The following DTNA variants were observed in gnomAD, a reference collection of about 807,000 sequenced individuals.
The protein encoded by DTNA is dystrobrevin alpha.
DTNA carries 43 observed loss-of-function variants against 100.7 expected under a neutral mutation model. The ratio of observed to expected loss-of-function variants is 0.43; its 90% CI spans 0.33 to 0.55. The LOEUF is 0.55. Among genes scored for constraint, DTNA ranks in the 20% least tolerant of loss-of-function variants. DTNA has a pLI of 0.04. For synonymous variants in DTNA, 349 were observed against 347.9 expected, an observed-to-expected ratio of 1.00 and a Z score of -0.04; for missense variants, 798 against 953.9, an observed-to-expected ratio of 0.84 and a Z score of 2.15.
chr18:34,644,434 A>G (rs2059618960), intron 1 of DTNA, among the ~76,000 whole-genome samples: 1 of 152,158 alleles, frequency 6.6e-6, no homozygotes, highest in Admixed American at 6.5e-5. Flanking sequence ...TTCCAGTTTA[A>G]ACACACTCAT....
At chr18:34,653,736 C>T (rs1465354361) in intron 1 of DTNA, among the ~76,000 whole-genome samples, 9 of 152,068 alleles carry the variant, frequency 5.9e-5, no homozygotes, top group Admixed American at 1.3e-4. Context: ...GCATGAGAAT[C>T]GCTTGAACCC....
intron 1 of DTNA, among the ~76,000 whole-genome samples, chr18:34,604,658 C>T (rs1243637795): frequency 2.0e-5 from 3 of 152,156 alleles, no homozygotes; most frequent in Non-Finnish European, 2.9e-5. Flanking sequence ...TCTTATGTAG[C>T]TGTTTGCCAG....
intron 1 of DTNA, among the ~76,000 whole-genome samples, chr18:34,544,227 C>G (rs2044533587): frequency 6.6e-6 from 1 of 152,044 alleles, no homozygotes; most frequent in South Asian, 2.1e-4. Flanking sequence ...GTAAATAACA[C>G]TACTCTCCAG....
At chr18:34,737,748 T>C (rs984217922) in intron 1 of DTNA, 8 of 150,522 alleles carry the variant, frequency 5.3e-5, no homozygotes, top group African/African-American at 1.3e-4. Context: ...CAGAACTCTT[T>C]GTTTCCTCCA....
intron 3 of DTNA, among the ~76,000 whole-genome samples, chr18:34,772,567 A>C (rs201834014): frequency 0.21 from 16,735 of 80,454 alleles, 1,055 homozygotes; most frequent in East Asian, 0.48. Flanking sequence ...CTTATGTGGC[A>C]GGAGTAGCCT....
In DTNA at chr18:34,816,274, G is replaced by A. The variant is rs145396517; in HGVS notation, c.709+260G>A. ...CAGGTGTGGTTAAAAGACTTGGCACGATAGAAGGCGAACTTCAACAAGGAG... is the reference window on the plus strand; with the variant it reads ...CAGGTGTGGTTAAAAGACTTGGCACAATAGAAGGCGAACTTCAACAAGGAG... On this transcript the variant is annotated intron_variant, in intron 7 of 22. Coordinates refer to ENST00000444659, the MANE Select transcript of DTNA (RefSeq NM_001386795.1). Among the ~76,000 whole-genome samples the A allele has an allele frequency of 0.018, 2,738 of 152,240 alleles. 47 individuals are homozygous for A. The highest frequency in any genetic ancestry group is 0.025 in the Non-Finnish European group (1,696 of 68,016).
chr18:34,786,410 A>G (rs538413966), intron 3 of DTNA, among the ~76,000 whole-genome samples: 1 of 152,224 alleles, frequency 6.6e-6, no homozygotes, highest in African/African-American at 2.4e-5. Flanking sequence ...GGAATATTGC[A>G]CTGAAGGTCA....
chr18:34,595,630 A>G (rs1360958169), intron 1 of DTNA, among the ~76,000 whole-genome samples: 3 of 152,154 alleles, frequency 2.0e-5, no homozygotes, highest in African/African-American at 7.2e-5. Context: ...ATTTGTTTCT[A>G]TTATTACTCT....
intron 1 of DTNA, among the ~76,000 whole-genome samples, chr18:34,648,307 G>A (rs1199735101): frequency 6.6e-6 from 1 of 152,096 alleles, no homozygotes; most frequent in African/African-American, 2.4e-5. Context: ...AAGGAAAGGG[G>A]GTGATGTGAT....
At chr18:34,670,495 T>A (rs1342099009) in intron 1 of DTNA, among the ~76,000 whole-genome samples, 1 of 152,186 alleles carries the variant, frequency 6.6e-6, no homozygotes, top group Admixed American at 6.5e-5. Context: ...GAGGAGAGGT[T>A]CTCTGATTTT....
intron 2 of DTNA, among the ~76,000 whole-genome samples, chr18:34,758,458 C>T (rs1306300516): frequency 6.6e-6 from 1 of 152,160 alleles, no homozygotes; most frequent in Non-Finnish European, 1.5e-5. Flanking sequence ...CTCAACTTCC[C>T]TGGAAGAAAA....
intron 1 of DTNA, among the ~76,000 whole-genome samples, chr18:34,657,518 A>T (rs747882562): frequency 3.9e-5 from 6 of 152,244 alleles, no homozygotes; most frequent in Non-Finnish European, 7.3e-5. Flanking sequence ...TTATATTGTA[A>T]CACAATGTCT....
rs773210486 is a variant in DTNA, at chr18:34,811,967, T to C, written c.457T>C (p.Ser153Pro). 1 of 1,614,020 alleles carries C rather than the reference T, an allele frequency of 6.2e-7. No homozygotes were observed. The highest frequency in any genetic ancestry group is 1.1e-5 in the South Asian group (1 of 91,070). ...CCTTTTCCTTTCATCAGATATTTTC[T>C]CAATGATTTCTGACTCCAGTGGGGT... ...KIMDKLRYIF[S>P]MISDSSGVMV... Residue 153 changes from serine to proline, a missense_variant, in exon 6 of 23, where the codon TCA becomes CCA. Coordinates refer to ENST00000444659, the MANE Select transcript of DTNA (RefSeq NM_001386795.1).
intron 1 of DTNA, among the ~76,000 whole-genome samples, chr18:34,749,643 A>AAAAAAAAATAAT (rs1210485347): frequency 2.5e-5 from 1 of 39,810 alleles, no homozygotes; most frequent in Middle Eastern, 0.015. Context: ...TCTCTCCAAA[A>AAAAAAAAATAAT]AATAATAATA....
chr18:34,718,009 G>C (rs1010706519), intron 1 of DTNA, among the ~76,000 whole-genome samples: 1 of 152,120 alleles, frequency 6.6e-6, no homozygotes, highest in African/African-American at 2.4e-5. Flanking sequence ...AGATTTGAGA[G>C]GTGTTTTGTC....
intron 1 of DTNA, among the ~76,000 whole-genome samples, chr18:34,750,872 A>C (rs1264756062): frequency 6.6e-6 from 1 of 152,234 alleles, no homozygotes; most frequent in Non-Finnish European, 1.5e-5. Flanking sequence ...TAACTTGAGG[A>C]TGTGACATTT....
intron 1 of DTNA, among the ~76,000 whole-genome samples, chr18:34,659,914 C>T (rs905804235): frequency 3.3e-5 from 5 of 152,222 alleles, no homozygotes; most frequent in Non-Finnish European, 7.3e-5. Flanking sequence ...CTTGTAACAA[C>T]ATCCACATTC....
intron 1 of DTNA, among the ~76,000 whole-genome samples, chr18:34,680,796 A>G (rs914619998): frequency 1.3e-5 from 2 of 152,204 alleles, no homozygotes; most frequent in African/African-American, 4.8e-5. Context: ...AGAAGAAAAA[A>G]ATGAAAATGA....
At position 34,504,771 on chromosome 18, in the gene DTNA, T is replaced by C. The variant is rs561212873; in HGVS notation, c.-2+11257T>C. On this transcript the variant is annotated intron_variant, in intron 1 of 19. Transcript: ENST00000283365. ...GCTGTTTATAAAACTTTTTTGTCTT[T>C]AATTTTCATAAATGTGACTATGATG... Among the ~76,000 whole-genome samples the C allele has an allele frequency of 3.2e-4, 48 of 152,340 alleles. 2 individuals carry two copies. The South Asian group carries it at 6.8e-3, about 22-fold the overall frequency.
Sources: allele counts gnomAD v4.1 joint callset (sites outside exome capture counted in the v4.1 genomes callset), GRCh38; gene constraint gnomAD v4.1.1; transcripts MANE v1.5; gene names NCBI Gene and HGNC (gene_info 2026-07-23, HGNC 2026-07-21).